Variants in HMGCL observed in about 807,000 individuals in gnomAD.
HMGCL encodes hydroxymethylglutaryl-CoA lyase, mitochondrial.
In HMGCL, 26 loss-of-function variants were observed where a neutral mutation model predicts 37.3. The observed-to-expected ratio is 0.70, with a 90% confidence interval of 0.51 to 0.97. The LOEUF is 0.97. Among genes scored for constraint, HMGCL ranks in the 50% least tolerant of loss-of-function variants. The pLI is 0.00. For synonymous variants in HMGCL, 151 were observed against 148.0 expected (o/e 1.02, Z -0.15); for missense variants, 379 against 398.1 (o/e 0.95, Z 0.41).
intron 5 of HMGCL, among the ~76,000 whole-genome samples, chr1:23,813,227 GTTTTT>G (rs58260499): frequency 2.8e-5 from 2 of 70,798 alleles, no homozygotes; most frequent in African/African-American, 1.1e-4. Flanking sequence ...TGGCTGCAAT[GTTTTT>G]TTTTTTTTTT....
At chr1:23,809,850 C>T (rs547821985) in intron 6 of HMGCL, 17 of 152,502 alleles carry the variant, frequency 1.1e-4, no homozygotes, top group African/African-American at 4.1e-4. Context: ...GTCGCTTCCC[C>T]AGTGGCCCTG....
At chr1:23,814,933 C>T (rs1056949094) in intron 4 of HMGCL, among the ~76,000 whole-genome samples, 1 of 152,022 alleles carries the variant, frequency 6.6e-6, no homozygotes, top group Admixed American at 6.6e-5. Context: ...GCCAGCCGGG[C>T]GCAGTGGCTC....
At chr1:23,816,353 T>G in intron 4 of HMGCL, 1 of 380,358 alleles carries the variant, frequency 2.6e-6, no homozygotes. Context: ...TACATTTCTC[T>G]AAAGAAGTGG....
At chr1:23,802,734 C>T (rs1400432106) in intron 8 of HMGCL, among the ~76,000 whole-genome samples, 170 bp from the exon 9 acceptor site, 3 of 152,216 alleles carry the variant, frequency 2.0e-5, no homozygotes. Context: ...CTGTCTGGCA[C>T]CTGGGTTATT....
intron 1 of HMGCL, among the ~76,000 whole-genome samples, chr1:23,822,860 TGA>T (rs1407623514): frequency 1.3e-5 from 2 of 152,162 alleles, no homozygotes; most frequent in Non-Finnish European, 2.9e-5. Context: ...AAATAACAGT[TGA>T]GTGTTGCTGA....
In HMGCL at chr1:23,806,433, C is replaced by G. The variant is rs908177987; in HGVS notation, c.750+1702G>C. ...TCAGTCACACTGCTCCCGCCACATG[C>G]CTCCTCCTGATCCCTGAACACAGCA... is the stretch of plus-strand genomic sequence containing the variant. On this transcript the variant is annotated intron_variant, in intron 7 of 8. Coordinates refer to ENST00000374490, the MANE Select transcript of HMGCL (RefSeq NM_000191.3). This position sits in a 1 kb window ranked among gnomAD's most constrained non-coding sequence, Gnocchi z 4.0. 2.0e-5 allele frequency among the ~76,000 whole-genome samples: 3 copies of G among 152,210 alleles called. No homozygotes were observed. Among genetic ancestry groups the G allele is most frequent in the African/African-American group, 7.2e-5 (3 of 41,452 alleles).
At chr1:23,822,038 T>C (rs941325010) in intron 1 of HMGCL, among the ~76,000 whole-genome samples, 1 of 152,188 alleles carries the variant, frequency 6.6e-6, no homozygotes, top group African/African-American at 2.4e-5. Flanking sequence ...CAGTAGAACA[T>C]AAGCTCTTTG....
intron 1 of HMGCL, among the ~76,000 whole-genome samples, chr1:23,823,071 G>A (rs1557494664): frequency 6.6e-6 from 1 of 151,494 alleles, no homozygotes; most frequent in Non-Finnish European, 1.5e-5. Context: ...AGCTACTCGG[G>A]AGGCTGAGGC....
intron 6 of HMGCL, chr1:23,809,637 A>G (rs1188755657): frequency 1.3e-5 from 2 of 152,136 alleles, no homozygotes; most frequent in Admixed American, 1.3e-4. Context: ...ATATTGGAAT[A>G]GGTCCAATAT....
rs369289041 is a variant in HMGCL, at chr1:23,810,727, T to G, written c.561+9A>C. 1.2e-6 allele frequency: 2 copies of G among 1,613,654 alleles called. No individual in the cohort carries two copies. Among genetic ancestry groups the G allele is most frequent in the Non-Finnish European group, 1.7e-6 (2 of 1,179,632 alleles). ...TCACCAAACCCCCCGCCCTGACACATGCACACACCTCAGCTACTTTAGCTG... is the reference window on the plus strand; with the variant it reads ...TCACCAAACCCCCCGCCCTGACACAGGCACACACCTCAGCTACTTTAGCTG... On this transcript the variant is annotated intron_variant, in intron 6 of 8. Transcript: ENST00000374490.
intron 4 of HMGCL, among the ~76,000 whole-genome samples, chr1:23,815,849 TAA>T (rs113198701): frequency 7.1e-6 from 1 of 140,290 alleles, no homozygotes; most frequent in African/African-American, 2.6e-5. Flanking sequence ...TTCTCTTAAT[TAA>T]AAAAAAAAAA....
chr1:23,814,780 T>C (rs1468506982), intron 4 of HMGCL, among the ~76,000 whole-genome samples: 2 of 152,160 alleles, frequency 1.3e-5, no homozygotes, highest in African/African-American at 2.4e-5. Flanking sequence ...TAAAAATATA[T>C]GTTGAAGGAT....
intron 7 of HMGCL, 26 bp from the exon 8 acceptor site, chr1:23,804,551 C>T (rs761620811): frequency 1.3e-5 from 21 of 1,613,754 alleles, no homozygotes; most frequent in Non-Finnish European, 1.6e-5. Context: ...TGGTGAAACA[C>T]AGTTGTTGCT....
intron 7 of HMGCL, 77 bp from the exon 8 acceptor site, chr1:23,804,602 A>T (rs1189568172): frequency 6.6e-7 from 1 of 1,506,176 alleles, no homozygotes; most frequent in African/African-American, 1.4e-5. Flanking sequence ...CAAACCTCCC[A>T]ATCGTCTGTT....
intron 1 of HMGCL, among the ~76,000 whole-genome samples, chr1:23,824,697 C>T (rs117571004): frequency 6.6e-6 from 1 of 152,124 alleles, no homozygotes; most frequent in Non-Finnish European, 1.5e-5. Context: ...GTTTTACAGA[C>T]GAAAGAGCTG....
chr1:23,809,175 G>A (rs1278970303), intron 6 of HMGCL: 1 of 146,210 alleles, frequency 6.8e-6, no homozygotes, highest in Non-Finnish European at 1.5e-5. Context: ...CGAAGTGCTG[G>A]GATTACAGTC....
At position 23,820,471 on chromosome 1, in the gene HMGCL, C is replaced by T. The variant is rs944564987; in HGVS notation, c.144+39G>A. The T allele has an allele frequency of 4.9e-6, 7 of 1,418,572 alleles. No individual in the cohort carries two copies. The African/African-American group carries it at 8.5e-5, about 17-fold the overall frequency. The allele number at this position is 1,418,572 out of a possible 1,614,324, so 87.9% of individuals were successfully genotyped here. On this transcript the variant is annotated intron_variant, in intron 2 of 8. Coordinates refer to ENST00000374490, the MANE Select transcript of HMGCL (RefSeq NM_000191.3). ...TCACACGTAATACTCAAAGCAGATG[C>T]TTGAAAAAACTGTTTTTTTGGCTCA...
At chr1:23,822,347 G>A (rs1638737088) in intron 1 of HMGCL, among the ~76,000 whole-genome samples, 1 of 152,142 alleles carries the variant, frequency 6.6e-6, no homozygotes, top group Admixed American at 6.6e-5. Flanking sequence ...AATGCCCTGA[G>A]TCTCCTCTAT....
chr1:23,821,340 G>C (rs2982390), intron 1 of HMGCL, among the ~76,000 whole-genome samples: 91,377 of 151,200 alleles, frequency 0.6, 27,603 homozygotes, highest in South Asian at 0.71. Flanking sequence ...TTGGGCGACA[G>C]AGGAAGACTC....
Sources: gnomAD v4.1 joint callset for allele counts (sites outside exome capture counted in the v4.1 genomes callset) on GRCh38, gnomAD v4.1.1 for gene constraint, Gnocchi (gnomAD v3.1) non-coding constraint, MANE v1.5 for transcripts, NCBI Gene and HGNC (gene_info 2026-07-23, HGNC 2026-07-21) for gene names.